HIVEP3: variants seen among roughly 807,000 people sequenced by gnomAD.
HIVEP3 encodes the protein HIVEP zinc finger 3.
Under a neutral mutation model 152.8 loss-of-function variants are expected in HIVEP3, and 49 were observed. The observed-to-expected ratio is 0.32, with a 90% CI of 0.26 to 0.41. The LOEUF (loss-of-function observed/expected upper bound fraction) is 0.41, where lower values mean the gene tolerates loss of function less well. Among genes scored for constraint, HIVEP3 ranks in the 10% least tolerant of loss-of-function variants. The pLI, the probability that HIVEP3 is intolerant of heterozygous loss-of-function variation, is 1.00. For missense variants in HIVEP3, 2,790 were observed against 3,103.3 expected (o/e 0.90, Z 2.40); for synonymous variants, 1,269 against 1,289.0 (o/e 0.98, Z 0.33).
At chr1:41,723,110 C>T (rs951699342) in intron 1 of HIVEP3, among the ~76,000 whole-genome samples, 2 of 151,524 alleles carry the variant, frequency 1.3e-5, no homozygotes, top group Admixed American at 1.3e-4. Flanking sequence ...CTAGAAAGAT[C>T]CCCCTGGTGC....
chr1:41,674,923 CT>C (rs1645932105), intron 2 of HIVEP3, among the ~76,000 whole-genome samples: 1 of 152,276 alleles, frequency 6.6e-6, no homozygotes, highest in East Asian at 1.9e-4. Flanking sequence ...AGGGACTCCC[CT>C]TTTCCCCCAC....
chr1:41,617,883 T>C (rs1011908212), intron 3 of HIVEP3, among the ~76,000 whole-genome samples: 2 of 151,462 alleles, frequency 1.3e-5, no homozygotes, highest in Non-Finnish European at 2.9e-5. Flanking sequence ...TAAGCATCTT[T>C]TAGTTCAGTG....
At chr1:41,590,269 G>T (rs1005903395) in intron 3 of HIVEP3, among the ~76,000 whole-genome samples, 1 of 152,252 alleles carries the variant, frequency 6.6e-6, no homozygotes, top group African/African-American at 2.4e-5. Context: ...TGGGAACAGG[G>T]ATTGTGGCAG....
At chr1:41,544,533 A>G (rs1643613726) in intron 5 of HIVEP3, among the ~76,000 whole-genome samples, 1 of 151,644 alleles carries the variant, frequency 6.6e-6, no homozygotes, top group Admixed American at 6.6e-5. Context: ...ATGTCTCTCC[A>G]CAGCAAACCC....
At chr1:41,786,551 A>G (rs1649358658) in intron 1 of HIVEP3, among the ~76,000 whole-genome samples, 1 of 152,210 alleles carries the variant, frequency 6.6e-6, no homozygotes, top group Non-Finnish European at 1.5e-5. Context: ...ATGGCAACGC[A>G]GATACACCCA....
At chr1:41,865,902 G>A (rs1297289699) in intron 1 of HIVEP3, among the ~76,000 whole-genome samples, 1 of 152,174 alleles carries the variant, frequency 6.6e-6, no homozygotes, top group Non-Finnish European at 1.5e-5. Flanking sequence ...ATAACACGGA[G>A]CTTTGAGCTC....
intron 1 of HIVEP3, among the ~76,000 whole-genome samples, chr1:41,729,098 C>G (rs1372733721): frequency 1.3e-5 from 2 of 152,178 alleles, no homozygotes; most frequent in Non-Finnish European, 2.9e-5. Context: ...CAGGAACAAC[C>G]AGAAATCAGA....
At chr1:41,917,253 C>T (rs916718491) in intron 1 of HIVEP3, among the ~76,000 whole-genome samples, 1 of 152,098 alleles carries the variant, frequency 6.6e-6, no homozygotes, top group African/African-American at 2.4e-5. Context: ...GAGAACACTG[C>T]CATGCAGATC....
At chr1:41,606,958 A>T (rs1443570314) in intron 3 of HIVEP3, among the ~76,000 whole-genome samples, 1 of 151,922 alleles carries the variant, frequency 6.6e-6, no homozygotes, top group East Asian at 1.9e-4. Context: ...TGATCTTTCT[A>T]GTTTAAAATC....
rs146054725 is a variant in HIVEP3, at chr1:41,693,234, T to C, written c.-721+7682A>G. On this transcript the variant is annotated intron_variant, in intron 2 of 8. Coordinates refer to ENST00000372583, the MANE Select transcript of HIVEP3 (RefSeq NM_024503.5). ...AGAAGTGAACTACTGAGTTGAAAGG[T>C]GGGGACATTTGAAAGTATCAATATA... 5.5e-3 allele frequency among the ~76,000 whole-genome samples: 842 copies of C among 152,326 alleles called. 12 individuals are homozygous for C. Among genetic ancestry groups the C allele is most frequent in the African/African-American group, 0.019 (809 of 41,554 alleles).
intron 1 of HIVEP3, among the ~76,000 whole-genome samples, chr1:41,932,913 T>G (rs1184017081): frequency 6.6e-6 from 1 of 151,946 alleles, no homozygotes; most frequent in Non-Finnish European, 1.5e-5. Flanking sequence ...TTAATTGCCT[T>G]AAGACTTCCT....
At chr1:41,818,779 C>G (rs573949497) in intron 1 of HIVEP3, among the ~76,000 whole-genome samples, 26 of 152,262 alleles carry the variant, frequency 1.7e-4, no homozygotes, top group Admixed American at 1.4e-3. Context: ...TGGTTCTCTC[C>G]CCCTTGTGCA....
At chr1:41,577,527 G>T (rs1205223484) in intron 4 of HIVEP3, among the ~76,000 whole-genome samples, 1 of 152,160 alleles carries the variant, frequency 6.6e-6, no homozygotes, top group African/African-American at 2.4e-5. Flanking sequence ...AAAGAATGTG[G>T]CTACAAAGTG....
chr1:41,779,039 G>GCCAGCAGCTGGGC (rs2124278809), intron 1 of HIVEP3, among the ~76,000 whole-genome samples: 1 of 152,312 alleles, frequency 6.6e-6, no homozygotes, highest in African/African-American at 2.4e-5. Flanking sequence ...ATACCTTCAT[G>GCCAGCAGCTGGGC]CCAGCAGCTG....
chr1:41,546,444 G>A (rs1643806528), intron 5 of HIVEP3, among the ~76,000 whole-genome samples: 1 of 152,238 alleles, frequency 6.6e-6, no homozygotes, highest in South Asian at 2.1e-4. Flanking sequence ...CAGAACAGAT[G>A]CAGCTGTCCA....
At chr1:41,783,090 C>G (rs192181996) in intron 1 of HIVEP3, among the ~76,000 whole-genome samples, 9 of 152,334 alleles carry the variant, frequency 5.9e-5, no homozygotes, top group Admixed American at 1.3e-4. Context: ...GCAGCTGACT[C>G]TGGTGGGTGT....
At chr1:42,016,800 T>C (rs1232099337) in intron 1 of HIVEP3, among the ~76,000 whole-genome samples, 3 of 152,326 alleles carry the variant, frequency 2.0e-5, no homozygotes, top group Middle Eastern at 3.4e-3. Context: ...GTGTACCTTA[T>C]ATAACCAGTA....
intron 1 of HIVEP3, among the ~76,000 whole-genome samples, chr1:41,738,814 G>A (rs1234510448): frequency 6.6e-6 from 1 of 150,730 alleles, no homozygotes; most frequent in African/African-American, 2.4e-5. Context: ...ATAAATGCCC[G>A]CCTCCCTGTC....
intron 2 of HIVEP3, among the ~76,000 whole-genome samples, chr1:41,679,252 C>T (rs1646002593): frequency 6.6e-6 from 1 of 152,172 alleles, no homozygotes; most frequent in Admixed American, 6.5e-5. Context: ...ATGATGCAGG[C>T]CTTCTGGGAC....
Sources: allele counts gnomAD v4.1 joint callset (sites outside exome capture counted in the v4.1 genomes callset), GRCh38; gene constraint gnomAD v4.1.1; transcripts MANE v1.5; gene names NCBI Gene and HGNC (gene_info 2026-07-23, HGNC 2026-07-21).